BPIFC: variants seen among roughly 807,000 people sequenced by gnomAD.
The protein encoded by BPIFC is BPI fold-containing family C protein.
Under a neutral mutation model 57.6 loss-of-function variants are expected in BPIFC, and 60 were observed. The observed-to-expected ratio is 1.04, with a 90% CI of 0.85 to 1.29. The LOEUF (loss-of-function observed/expected upper bound fraction) is 1.29. BPIFC is among the 50% of genes most tolerant of loss of function. The pLI, the probability that BPIFC is intolerant of heterozygous loss-of-function variation, is 0.00. For synonymous variants in BPIFC, 243 were observed against 224.5 expected (o/e 1.08, Z -0.74); for missense variants, 581 against 600.5 (o/e 0.97, Z 0.34).
At chr22:32,431,190 T>C (rs1437870494) in intron 13 of BPIFC, among the ~76,000 whole-genome samples, 157 bp downstream of exon 13, 5 of 151,530 alleles carry the variant, frequency 3.3e-5, no homozygotes, top group African/African-American at 7.3e-5. Flanking sequence ...CTTGGCTTAC[T>C]GCAACCTCTG....
chr22:32,428,454 T>A (rs1219748176), intron 13 of BPIFC, among the ~76,000 whole-genome samples: 1 of 151,986 alleles, frequency 6.6e-6, no homozygotes, highest in Non-Finnish European at 1.5e-5. Flanking sequence ...TTTTAAAGTA[T>A]TGTGGCTCTA....
Position 32,437,834 on chromosome 22 carries a change from T to C in BPIFC, c.673A>G (p.Asn225Asp), listed in dbSNP as rs762599218. 1 of 1,610,676 alleles carries C rather than the reference T, an allele frequency of 6.2e-7. No homozygotes were observed. The highest frequency in any genetic ancestry group is 8.5e-7 in the Non-Finnish European group (1 of 1,177,200). Reference sequence around the variant, plus strand: ...AGGGAGTAATCCAGCAGAGTGTAGTTGTCAATCTTGGTTAAAACTAAATAA... The same window carrying C: ...AGGGAGTAATCCAGCAGAGTGTAGTCGTCAATCTTGGTTAAAACTAAATAA... ...STLEVLTKID[N>D]YTLLDYSLIS... The change falls in exon 9 of 17, where the codon AAC becomes GAC. Residue 225 changes from asparagine (N) to aspartate (D), a missense_variant. Coordinates refer to ENST00000300399, the MANE Select transcript of BPIFC (RefSeq NM_174932.3).
At chr22:32,447,092 A>G in intron 5 of BPIFC, 120 bp downstream of exon 5, 1 of 1,338,102 alleles carries the variant, frequency 7.5e-7, no homozygotes. Context: ...TGCTTTTGAG[A>G]AAGATTGTTA....
At chr22:32,463,744 T>C (rs1419815846) in intron 1 of BPIFC, among the ~76,000 whole-genome samples, 5 of 152,208 alleles carry the variant, frequency 3.3e-5, no homozygotes, top group Non-Finnish European at 7.3e-5. Flanking sequence ...TCGACAGGTA[T>C]GGAACGTGGG....
At chr22:32,457,781 C>G (rs1186560396) in intron 2 of BPIFC, among the ~76,000 whole-genome samples, 3 of 152,168 alleles carry the variant, frequency 2.0e-5, no homozygotes, top group African/African-American at 7.2e-5. Context: ...GTGAAAACTT[C>G]CCTCACCAAG....
chr22:32,445,323 T>G (rs62241175), intron 7 of BPIFC, among the ~76,000 whole-genome samples: 12,767 of 151,954 alleles, frequency 0.084, 731 homozygotes, highest in Non-Finnish European at 0.13. Context: ...GGATCACGAG[T>G]TCAGGAGATC....
At position 32,424,657 on chromosome 22, in the gene BPIFC, T is replaced by C. The variant is rs1478419786; in HGVS notation, c.1218-5253A>G. Among the ~76,000 whole-genome samples the C allele has an allele frequency of 0.013, 817 of 62,168 alleles. 146 individuals carry two copies. In the East Asian group the frequency reaches 0.13, roughly 10 times the overall value. The allele number at this position is 62,168 out of a possible 152,430, so 40.8% of individuals were successfully genotyped here. A position where few individuals can be genotyped will look rare whatever the true frequency, so the allele number is the denominator to read the frequency against. On this transcript the variant is annotated intron_variant, in intron 13 of 16. Coordinates refer to ENST00000300399, the MANE Select transcript of BPIFC (RefSeq NM_174932.3). Reference sequence around the variant, plus strand: ...TCTTCTTCTTCTCTTCTTCTTCTTCTTCTTCTTCTTCTTCTTCTTCTTCTT... The same window carrying C: ...TCTTCTTCTTCTCTTCTTCTTCTTCCTCTTCTTCTTCTTCTTCTTCTTCTT...
chr22:32,461,673 G>A lies in BPIFC; in HGVS notation c.-88-12C>T, dbSNP rs913170876. The A allele has an allele frequency of 9.2e-6, 9 of 983,046 alleles. No individual in the cohort carries two copies. Among genetic ancestry groups the A allele is most frequent in the Non-Finnish European group, 1.1e-5 (9 of 827,890 alleles). The allele number at this position is 983,046 out of a possible 1,614,324, so 60.9% of individuals were successfully genotyped here. On this transcript the variant is annotated splice_polypyrimidine_tract_variant and intron_variant, in intron 1 of 16. Coordinates refer to ENST00000300399, the MANE Select transcript of BPIFC (RefSeq NM_174932.3). ...TTAGTCAAGGTGTCCTGGAAAGGGG[G>A]ATAAGTAGAGATGAACTATGGGAGT...
At chr22:32,447,386 C>T (rs753937986) in intron 4 of BPIFC, 46 bp from the exon 5 acceptor site, 76 of 1,587,260 alleles carry the variant, frequency 4.8e-5, no homozygotes, top group Middle Eastern at 3.4e-4. Context: ...TCCAGCACAT[C>T]TCTTCAGTCA....
At chr22:32,456,077 C>T (rs1353145647) in intron 3 of BPIFC, among the ~76,000 whole-genome samples, 1 of 152,206 alleles carries the variant, frequency 6.6e-6, no homozygotes, top group African/African-American at 2.4e-5. Context: ...CATTTACAGC[C>T]ATGTGGATAG....
In BPIFC at chr22:32,432,481, G is replaced by A. The variant is rs772725133; in HGVS notation, c.1041C>T (p.Pro347=). ...FMVRIMATEP[P]IINLQPGNFT... is the part of the protein sequence containing the mutation. ...AATTGCCTGGTTGTAGATTGATTAT[G>A]GGAGGCTCTGTGGCCATGATCCTCA... The change falls in exon 12 of 17, where the codon CCC becomes CCT. Residue 347 remains proline (P), a synonymous_variant. Coordinates refer to ENST00000300399, the MANE Select transcript of BPIFC (RefSeq NM_174932.3). 8.7e-6 allele frequency: 14 copies of A among 1,613,992 alleles called. No homozygotes were observed. Among genetic ancestry groups the A allele is most frequent in the Non-Finnish European group, 1.2e-5 (14 of 1,180,006 alleles).
chr22:32,456,258 G>A (rs1464723809), intron 3 of BPIFC, among the ~76,000 whole-genome samples: 2 of 152,060 alleles, frequency 1.3e-5, no homozygotes, highest in African/African-American at 4.8e-5. Flanking sequence ...TATATTCCTG[G>A]TACGTATTTC....
chr22:32,414,387 T>C lies in BPIFC; in HGVS notation c.1440A>G (p.Thr480=), dbSNP rs777731691. Residue 480 remains threonine, a synonymous_variant, in exon 17 of 17, where the codon ACA becomes ACG. Coordinates refer to ENST00000300399, the MANE Select transcript of BPIFC (RefSeq NM_174932.3). ...GGAAACTTGGCTGCTGCTTTGAGGA[T>C]GTTTCATACTTCAGGTCGGTGGAAA... ...LLISTDLKYE[T]SSKQQPSFHV... is the part of the protein sequence containing the mutation. 1.9e-6 allele frequency: 3 copies of C among 1,613,946 alleles called. No homozygotes were observed. The highest frequency in any genetic ancestry group is 2.7e-5 in the African/African-American group (2 of 74,926).
intron 9 of BPIFC, among the ~76,000 whole-genome samples, chr22:32,437,459 C>T (rs1267750898): frequency 2.0e-5 from 3 of 151,930 alleles, no homozygotes; most frequent in Non-Finnish European, 4.4e-5. Context: ...GGTATGATCT[C>T]GGCTCACTGC....
At chr22:32,445,737 A>AAAT in intron 6 of BPIFC, 39 bp from the exon 7 acceptor site, 1 of 1,423,674 alleles carries the variant, frequency 7.0e-7, no homozygotes, top group Non-Finnish European at 9.5e-7. Context: ...AAAAAAAAAG[A>AAAT]GGTTACTCAG....
intron 8 of BPIFC, among the ~76,000 whole-genome samples, chr22:32,440,603 A>G (rs959474761): frequency 1.3e-5 from 2 of 152,178 alleles, no homozygotes; most frequent in Non-Finnish European, 2.9e-5. Context: ...TGGGCTCCTG[A>G]TGATCCTGCT....
intron 13 of BPIFC, among the ~76,000 whole-genome samples, chr22:32,429,220 T>C (rs1412872421): frequency 2.0e-5 from 3 of 152,034 alleles, no homozygotes; most frequent in Non-Finnish European, 2.9e-5. Flanking sequence ...TTCTTTTTTT[T>C]TTCTGAGATG....
At position 32,424,588 on chromosome 22, in the gene BPIFC, T is replaced by TCCTCCTC. The variant is rs1569447808; in HGVS notation, c.1218-5185_1218-5184insGAGGAGG. On this transcript the variant is annotated intron_variant, in intron 13 of 16. Transcript: ENST00000300399. ...GTGTTATTTTCTTTCTTCTTCTTCT[T>TCCTCCTC]CTTCTTCTTCTTCTCCTCCTCCTCC... 1.6e-4 allele frequency among the ~76,000 whole-genome samples: 14 copies of TCCTCCTC among 86,952 alleles called. 4 individuals are homozygous for TCCTCCTC. In the South Asian group the frequency reaches 1.6e-3, roughly 10 times the overall value. 57.0% of individuals were successfully genotyped at this position (86,952 alleles called of 152,430 possible). A position where few individuals can be genotyped will look rare whatever the true frequency, so the allele number is the denominator to read the frequency against.
chr22:32,445,186 C>T (rs1045780603), intron 7 of BPIFC, among the ~76,000 whole-genome samples: 1 of 152,128 alleles, frequency 6.6e-6, no homozygotes, highest in South Asian at 2.1e-4. Context: ...TGTGAAAGTG[C>T]CTTGGATAGT....
Sources: allele counts gnomAD v4.1 joint callset (sites outside exome capture counted in the v4.1 genomes callset), GRCh38; gene constraint gnomAD v4.1.1; transcripts MANE v1.5; gene names NCBI Gene and HGNC (gene_info 2026-07-23, HGNC 2026-07-21).